Variants in SETD1B observed in about 807,000 individuals in gnomAD.
SETD1B encodes histone-lysine N-methyltransferase SETD1B.
In SETD1B, 7 loss-of-function variants were observed where a neutral mutation model predicts 148.0. The observed-to-expected ratio is 0.05, with a 90% CI of 0.03 to 0.09. The LOEUF (loss-of-function observed/expected upper bound fraction) is 0.09. SETD1B is among the 10% of genes least tolerant of loss of function. SETD1B has a pLI of 1.00. For synonymous variants in SETD1B, 1,361 were observed against 1,186.5 expected (o/e 1.15, Z -3.02); for missense variants, 2,155 against 2,729.9 (o/e 0.79, Z 4.69).
chr12:121,797,109 C>T, the SETD1B span: 3 of 240,312 alleles, frequency 1.2e-5, no homozygotes, highest in African/African-American at 4.7e-5. Flanking sequence ...AGTCACATGC[C>T]AGCTACAGAT....
At chr12:121,826,116 G>A (rs556899039) in intron 13 of SETD1B, among the ~76,000 whole-genome samples, 85 of 152,102 alleles carry the variant, frequency 5.6e-4, no homozygotes, top group African/African-American at 2.0e-3. Flanking sequence ...TCACTCTGTA[G>A]CCCAAGCTGA....
At chr12:121,793,383 CG>C in the SETD1B span, 1 of 1,463,818 alleles carries the variant, frequency 6.8e-7, no homozygotes, top group Non-Finnish European at 9.2e-7. Flanking sequence ...GGGGGCGCCC[CG>C]GGGTGGCGGC....
Position 121,827,566 on chromosome 12 carries a change from G to C in SETD1B, c.5385G>C (p.Ser1795=). Residue 1795 remains serine (S), a synonymous_variant, in exon 14 of 17, where the codon TCG becomes TCC. Transcript: ENST00000604567. ...CCCACGCCTCCACCCGGGCAGGCTC[G>C]GAGCGGCGTTCGGAGCAGCGCCGCC... The part of the protein sequence containing the change: ...AQPHASTRAG[S]ERRSEQRRLL... 1 of 1,549,422 alleles carries C rather than the reference G, an allele frequency of 6.5e-7. No individual in the cohort carries two copies. The highest frequency in any genetic ancestry group is 8.7e-7 in the Non-Finnish European group (1 of 1,146,766).
chr12:121,812,288 A>C (rs1365028919), intron 6 of SETD1B, among the ~76,000 whole-genome samples: 1 of 152,190 alleles, frequency 6.6e-6, no homozygotes, highest in Non-Finnish European at 1.5e-5. Flanking sequence ...TCTTCTAAAC[A>C]GTGGCTGGTC....
intron 7 of SETD1B, among the ~76,000 whole-genome samples, chr12:121,815,512 C>A (rs1371721064): frequency 6.6e-6 from 1 of 151,874 alleles, no homozygotes; most frequent in Admixed American, 6.6e-5. Context: ...CACTTTTTTC[C>A]TTTTTTTGTT....
At chr12:121,793,307 C>CT in the SETD1B span, 1 of 1,472,078 alleles carries the variant, frequency 6.8e-7, no homozygotes, top group East Asian at 2.5e-5. Context: ...GCTGAATCCA[C>CT]TGTCCACCCC....
chr12:121,818,168 A>G (rs557954765), intron 10 of SETD1B, among the ~76,000 whole-genome samples: 2 of 152,282 alleles, frequency 1.3e-5, no homozygotes, highest in South Asian at 4.1e-4. Flanking sequence ...CTCAGCCTAC[A>G]TGGCTTCCTT....
chr12:121,817,172 G>C lies in SETD1B; in HGVS notation c.2855G>C (p.Gly952Ala). 6.5e-7 allele frequency: 1 copy of C among 1,549,730 alleles called. No homozygotes were observed. The change falls in exon 8 of 17, where the codon GGG (glycine) becomes GCG (alanine). Residue 952 changes from glycine (G) to alanine (A), a missense_variant. Transcript: ENST00000604567. This position sits in a 1 kb window ranked among gnomAD's most constrained non-coding sequence, Gnocchi z 8.1. ...TACGAGGGCCTGGGCCTGGGCATTG[G>C]GCTGCGTGGGGCCATTCGCCTGCCC... is the stretch of plus-strand genomic sequence containing the variant. ...LGYEGLGLGIGLRGAIRLPSF... is the reference protein window; with the variant it reads ...LGYEGLGLGIALRGAIRLPSF...
chr12:121,803,065 C>T (rs899538914), upstream of SETD1B: 5 of 149,750 alleles, frequency 3.3e-5, no homozygotes, highest in African/African-American at 1.2e-4. The surrounding 1 kb of genome is among the most constrained non-coding windows in gnomAD (Gnocchi z 4.7). Context: ...AAATTACAAA[C>T]CCCGAAAAGA....
At chr12:121,816,338 T>G (rs529883002) in intron 7 of SETD1B, among the ~76,000 whole-genome samples, 2 of 152,088 alleles carry the variant, frequency 1.3e-5, no homozygotes, top group African/African-American at 4.8e-5. Flanking sequence ...AATGCTTGCT[T>G]TCTGCCACAG....
the SETD1B span, chr12:121,793,676 G>A: frequency 6.7e-7 from 1 of 1,482,796 alleles, no homozygotes; most frequent in Non-Finnish European, 8.9e-7. Context: ...CCGGGCACTA[G>A]CGGAGCCAAG....
In SETD1B at chr12:121,823,272, C is replaced by T. The variant is rs781417549; in HGVS notation, c.4693C>T (p.His1565Tyr). The T allele has an allele frequency of 6.5e-7, 1 of 1,549,926 alleles. No individual in the cohort carries two copies. The highest frequency in any genetic ancestry group is 2.4e-5 in the East Asian group (1 of 40,894). Residue 1565 changes from histidine to tyrosine, a missense_variant, in exon 12 of 17, where the codon CAT (histidine) becomes TAT (tyrosine). By Grantham distance (83) the His-to-Tyr change is moderately conservative. Coordinates refer to ENST00000604567, the MANE Select transcript of SETD1B (RefSeq NM_001353345.2). ...QPQTPVFPST[H>Y]DPRTVTLDFR... ...ACAGACCCCCGTCTTCCCCAGCACC[C>T]ATGACCCCCGGACGGTGACCCTGGA...
rs1268384833 is a variant in SETD1B at position 121,810,647 on chromosome 12, G to T, written c.1702G>T (p.Gly568Cys). 2.6e-6 allele frequency: 4 copies of T among 1,548,996 alleles called. No individual in the cohort carries two copies. The highest frequency in any genetic ancestry group is 2.6e-6 in the Non-Finnish European group (3 of 1,146,572). ...TPPSSRPSST[G>C]LEDISPTPLP... ...CCCCTCGTCACGCCCCTCCAGCACC[G>T]GCCTGGAGGATATCAGCCCAACACC... The change falls in exon 6 of 17, where the codon GGC becomes TGC. Residue 568 changes from glycine (G) to cysteine (C), a missense_variant. Gly to Cys is a radical substitution (Grantham distance 159). Transcript: ENST00000604567. The surrounding 1 kb of genome is among the most constrained non-coding windows in gnomAD (Gnocchi z 7.6).
the SETD1B span, chr12:121,794,325 G>A: frequency 2.0e-5 from 3 of 152,278 alleles, no homozygotes; most frequent in Non-Finnish European, 4.4e-5. Context: ...CTGCAGGGTG[G>A]ACGTCTGACG....
At position 121,805,272 on chromosome 12, in the gene SETD1B, A is replaced by C; in HGVS notation, c.273+56A>C. 1 of 1,389,920 alleles carries C rather than the reference A, an allele frequency of 7.2e-7. No individual in the cohort carries two copies. Among genetic ancestry groups the C allele is most frequent in the Non-Finnish European group, 1.0e-6 (1 of 1,003,776 alleles). 86.1% of individuals were successfully genotyped at this position (1,389,920 alleles called of 1,614,324 possible). A position where few individuals can be genotyped will look rare whatever the true frequency, so the allele number is the denominator to read the frequency against. On this transcript the variant is annotated intron_variant, in intron 3 of 16. Transcript: ENST00000604567. This position sits in a 1 kb window ranked among gnomAD's most constrained non-coding sequence, Gnocchi z 4.2. ...CTCCCCCACCTCCCCGAGTTCGAAA[A>C]TAACGCCAGTCCTGACCGAGCCCAG...
chr12:121,825,940 A>T (rs373636128), intron 13 of SETD1B, among the ~76,000 whole-genome samples: 1 of 152,096 alleles, frequency 6.6e-6, no homozygotes, highest in Non-Finnish European at 1.5e-5. Flanking sequence ...GCCACATCGC[A>T]TGGCCTCATT....
At position 121,804,163 on chromosome 12, in the gene SETD1B, CCGGCCT is replaced by C. The variant is rs1875574621; in HGVS notation, c.-80_-75del. On this transcript the variant is annotated 5_prime_UTR_variant, in exon 1 of 17. Coordinates refer to ENST00000604567, the MANE Select transcript of SETD1B (RefSeq NM_001353345.2). This position sits in a 1 kb window ranked among gnomAD's most constrained non-coding sequence, Gnocchi z 4.6. Reference sequence around the variant, plus strand: ...CTTCCTGGCCCCCGGTCCGGCCGCCCCGGCCTCGGCTCCCTCGGGGGACACCATGTA... The same window carrying C: ...CTTCCTGGCCCCCGGTCCGGCCGCCCCGGCTCCCTCGGGGGACACCATGTA... 1 of 149,738 alleles carries C rather than the reference CCGGCCT, an allele frequency of 6.7e-6. No individual in the cohort carries two copies. Among genetic ancestry groups the C allele is most frequent in the Admixed American group, 6.7e-5 (1 of 14,978 alleles). 9.3% of individuals were successfully genotyped at this position (149,738 alleles called of 1,614,324 possible).
intron 7 of SETD1B, among the ~76,000 whole-genome samples, chr12:121,816,420 G>C (rs772489150): frequency 2.0e-5 from 3 of 152,188 alleles, no homozygotes; most frequent in Non-Finnish European, 4.4e-5. Flanking sequence ...TGAACCGTCT[G>C]AAATCACTGA....
chr12:121,825,084 C>A, intron 12 of SETD1B, 116 bp from the exon 13 acceptor site: 1 of 1,073,358 alleles, frequency 9.3e-7, no homozygotes, highest in Admixed American at 2.5e-5. Context: ...TGGGAGTGGG[C>A]AGTAGAACTG....
Sources: allele counts gnomAD v4.1 joint callset (sites outside exome capture counted in the v4.1 genomes callset), GRCh38; gene constraint gnomAD v4.1.1; non-coding constraint Gnocchi (gnomAD v3.1); transcripts MANE v1.5; gene names NCBI Gene and HGNC (gene_info 2026-07-23, HGNC 2026-07-21).